The following PAQR5 variants were observed in gnomAD, a reference collection of about 807,000 sequenced individuals.
PAQR5 encodes progestin and adipoQ receptor family member 5, also known as membrane progestin receptor gamma.
PAQR5 carries 20 observed loss-of-function variants against 34.5 expected under a neutral mutation model. The ratio of observed to expected loss-of-function variants is 0.58; its 90% confidence interval spans 0.41 to 0.84. PAQR5 has a LOEUF of 0.84. Ranked by LOEUF, PAQR5 falls within the 40% of genes least tolerant of loss-of-function variation. The pLI, the probability that PAQR5 is intolerant of heterozygous loss-of-function variation, is 0.00. For missense variants in PAQR5, 378 were observed against 412.7 expected, an observed-to-expected ratio of 0.92 and a Z score of 0.73; for synonymous variants, 131 against 155.6, an observed-to-expected ratio of 0.84 and a Z score of 1.18.
At chr15:69,326,341 G>T (rs559057889) in intron 1 of PAQR5, among the ~76,000 whole-genome samples, 2 of 152,006 alleles carry the variant, frequency 1.3e-5, no homozygotes, top group African/African-American at 4.8e-5. Context: ...GCTGCATCCC[G>T]TTCTTTCCAT....
chr15:69,372,902 A>AAAAC (rs1206155153), intron 3 of PAQR5, among the ~76,000 whole-genome samples: 1 of 152,160 alleles, frequency 6.6e-6, no homozygotes, highest in Non-Finnish European at 1.5e-5. Flanking sequence ...AGTGGCTCAA[A>AAAAC]AAACAAACAA....
At chr15:69,323,495 G>A (rs1452082683) in intron 1 of PAQR5, among the ~76,000 whole-genome samples, 8 of 152,328 alleles carry the variant, frequency 5.3e-5, no homozygotes, top group African/African-American at 9.6e-5. Context: ...GGCACATAGA[G>A]TAAGGCTCAC....
intron 1 of PAQR5, among the ~76,000 whole-genome samples, chr15:69,309,384 G>C (rs2140534284): frequency 6.6e-6 from 1 of 152,306 alleles, no homozygotes; most frequent in East Asian, 1.9e-4. Flanking sequence ...ACTGAGAAGT[G>C]CCTGGGGATT....
At position 69,333,130 on chromosome 15, in the gene PAQR5, AT is replaced by A. The variant is rs952242564; in HGVS notation, c.-276-4202del. 4.0e-5 allele frequency among the ~76,000 whole-genome samples: 6 copies of A among 150,164 alleles called. No individual in the cohort carries two copies. In the South Asian group the frequency reaches 6.3e-4, roughly 16 times the overall value. ...TCAGTTGACTGAATTATTTTTTTCC[AT>A]TTTTTTTTATCTTGCCAATCTTAAT... On this transcript the variant is annotated intron_variant, in intron 1 of 8. Coordinates refer to ENST00000395407, the MANE Select transcript of PAQR5 (RefSeq NM_017705.4).
In PAQR5 at chr15:69,404,067, G is replaced by T; in HGVS notation, c.*245G>T. The stretch of plus-strand genomic sequence containing the variant: ...CAAGTCCTTGTTAAGGCAAACTATT[G>T]ATATTTCATTAATTTTAAATTTACT... On this transcript the variant is annotated 3_prime_UTR_variant, in exon 9 of 9. Coordinates refer to ENST00000395407, the MANE Select transcript of PAQR5 (RefSeq NM_017705.4). 2.3e-6 allele frequency: 1 copy of T among 425,820 alleles called. No individual in the cohort carries two copies. Among genetic ancestry groups the T allele is most frequent in the Non-Finnish European group, 4.2e-6 (1 of 240,356 alleles). The allele number at this position is 425,820 out of a possible 1,614,324, so 26.4% of individuals were successfully genotyped here. A position where few individuals can be genotyped will look rare whatever the true frequency, so the allele number is the denominator to read the frequency against.
intron 1 of PAQR5, among the ~76,000 whole-genome samples, chr15:69,310,956 G>T: frequency 7.0e-6 from 1 of 143,338 alleles, no homozygotes; most frequent in East Asian, 2.1e-4. Flanking sequence ...GGAGAATGGT[G>T]TGAACCCGGG....
At chr15:69,379,742 G>T in intron 3 of PAQR5, 141 bp from the exon 4 acceptor site, 2 of 1,237,848 alleles carry the variant, frequency 1.6e-6, no homozygotes, top group Non-Finnish European at 2.2e-6. Context: ...GAAGGAGAGA[G>T]TGAGGGGAAC....
chr15:69,334,065 T>G (rs1451790362), intron 1 of PAQR5, among the ~76,000 whole-genome samples: 5 of 152,196 alleles, frequency 3.3e-5, no homozygotes, highest in Non-Finnish European at 7.3e-5. Context: ...AGTCTCACTC[T>G]CTCACCAGAC....
At chr15:69,394,849 C>T (rs1191288738) in intron 6 of PAQR5, among the ~76,000 whole-genome samples, 3 of 152,242 alleles carry the variant, frequency 2.0e-5, no homozygotes, top group East Asian at 1.9e-4. Flanking sequence ...AGCTACTGGC[C>T]CTTCTGCCTT....
intron 1 of PAQR5, among the ~76,000 whole-genome samples, chr15:69,326,778 G>C (rs1567000457): frequency 1.3e-5 from 2 of 152,008 alleles, no homozygotes. Flanking sequence ...AGCAGATGTA[G>C]GTTTATAGAA....
At chr15:69,343,141 T>A (rs551861559) in intron 2 of PAQR5, among the ~76,000 whole-genome samples, 27 of 152,384 alleles carry the variant, frequency 1.8e-4, no homozygotes, top group African/African-American at 6.0e-4. Flanking sequence ...GTTTCCATTT[T>A]AAAGCAAGCA....
At chr15:69,372,995 GT>G (rs1455218137) in intron 3 of PAQR5, among the ~76,000 whole-genome samples, 1 of 152,202 alleles carries the variant, frequency 6.6e-6, no homozygotes, top group East Asian at 1.9e-4. Flanking sequence ...GGTGGATGCT[GT>G]TGGGGAGAAT....
chr15:69,366,333 A>C (rs1445213136), intron 3 of PAQR5, among the ~76,000 whole-genome samples: 3 of 152,176 alleles, frequency 2.0e-5, no homozygotes, highest in Non-Finnish European at 4.4e-5. Context: ...GATATACCAT[A>C]GTTTGTTTAT....
rs896539934 is a variant in PAQR5, at chr15:69,359,465, G to C, written c.-115-501G>C. ...CTTTTAAGGGCTCACAACTCTAAGG[G>C]GGTGCGTGTGAGAGGGTCGTGATTG... On this transcript the variant is annotated intron_variant, in intron 2 of 8. Transcript: ENST00000395407. Among the ~76,000 whole-genome samples, 3 of 152,126 alleles carry C rather than the reference G, an allele frequency of 2.0e-5. No individual in the cohort carries two copies. In the East Asian group the frequency reaches 5.8e-4, roughly 29 times the overall value.
chr15:69,303,814 G>A (rs1016946719), intron 1 of PAQR5, among the ~76,000 whole-genome samples: 25 of 152,312 alleles, frequency 1.6e-4, no homozygotes, highest in African/African-American at 4.8e-4. Context: ...ACAGTGCTCA[G>A]CACGCCCCCC....
chr15:69,303,360 C>G (rs896412960), intron 1 of PAQR5, among the ~76,000 whole-genome samples: 1 of 152,162 alleles, frequency 6.6e-6, no homozygotes, highest in Non-Finnish European at 1.5e-5. Context: ...CCCAAAGGGG[C>G]AGCTCCCAGA....
At chr15:69,393,710 C>T (rs1712927236) in intron 6 of PAQR5, among the ~76,000 whole-genome samples, 1 of 152,106 alleles carries the variant, frequency 6.6e-6, no homozygotes, top group Non-Finnish European at 1.5e-5. Context: ...CCAGGAACCT[C>T]AGTATTTGCT....
chr15:69,304,659 C>T (rs1241625202), intron 1 of PAQR5, among the ~76,000 whole-genome samples: 1 of 152,182 alleles, frequency 6.6e-6, no homozygotes, highest in Non-Finnish European at 1.5e-5. Flanking sequence ...AGGACCACCC[C>T]CAGCATGCTA....
intron 6 of PAQR5, chr15:69,391,711 C>G: frequency 2.2e-6 from 1 of 455,696 alleles, no homozygotes; most frequent in Non-Finnish European, 4.4e-6. Flanking sequence ...GAGAGTACCA[C>G]AGGTTGAGGG....
Sources: allele counts gnomAD v4.1 joint callset (sites outside exome capture counted in the v4.1 genomes callset), GRCh38; gene constraint gnomAD v4.1.1; transcripts MANE v1.5; gene names NCBI Gene and HGNC (gene_info 2026-07-23, HGNC 2026-07-21).